PZP: variants seen among roughly 807,000 people sequenced by gnomAD.
The protein encoded by PZP is PZP alpha-2-macroglobulin like.
A neutral mutation model predicts 179.8 loss-of-function variants in PZP; 150 were observed. That is an observed-to-expected ratio of 0.83 (90% CI 0.73 to 0.96). The LOEUF is 0.96. PZP is among the 40% of genes least tolerant of loss of function. The probability of loss-of-function intolerance (pLI) is 0.00; values close to 1 mark genes in which losing one functional copy is unlikely to be tolerated. For synonymous variants in PZP, 624 were observed against 652.3 expected (o/e 0.96, Z 0.66); for missense variants, 1,689 against 1,764.0 (o/e 0.96, Z 0.76).
chr12:9,194,182 A>G lies in PZP; in HGVS notation c.1149T>C (p.Ser383=). ...VPIPNKLFFI[S]VNDANYYSNA... ...TGGAGTAATAATTGGCGTCATTCACAGAGATGAAGAAGAGTTTATTGGGGA... is the reference window on the plus strand; with the variant it reads ...TGGAGTAATAATTGGCGTCATTCACGGAGATGAAGAAGAGTTTATTGGGGA... Residue 383 remains serine, a synonymous_variant, in exon 11 of 36, where the codon TCT becomes TCC. Transcript: ENST00000261336. 1 of 1,614,046 alleles carries G rather than the reference A, an allele frequency of 6.2e-7. No individual in the cohort carries two copies. The highest frequency in any genetic ancestry group is 1.3e-5 in the African/African-American group (1 of 75,044).
chr12:9,203,711 A>C, intron 2 of PZP, 57 bp downstream of exon 2: 8 of 1,564,020 alleles, frequency 5.1e-6, no homozygotes, highest in African/African-American at 1.4e-5. Context: ...ACCATGACCT[A>C]TAGAGCTCAA....
rs1347712158 is a variant in PZP, at chr12:9,154,846, G to C, written c.3551-7C>G. 9 of 1,609,916 alleles carry C rather than the reference G, an allele frequency of 5.6e-6. No homozygotes were observed. Among genetic ancestry groups the C allele is most frequent in the Non-Finnish European group, 6.8e-6 (8 of 1,177,384 alleles). ...TCCCAATGGACGAGGTTGTCTTAAG[G>C]GTGAGAAAAAGGAGATAATTGTAAC... On this transcript the variant is annotated splice_region_variant and splice_polypyrimidine_tract_variant and intron_variant, in intron 28 of 35. Transcript: ENST00000261336.
the PZP span, among the ~76,000 whole-genome samples, chr12:9,143,729 G>A: frequency 6.6e-6 from 1 of 152,108 alleles, no homozygotes; most frequent in East Asian, 1.9e-4. Context: ...ATTTGCACTG[G>A]GGCCCGGCCA....
chr12:9,195,756 A>G lies in PZP; in HGVS notation c.1092+574T>C, dbSNP rs184293580. ...AGCATGAGCCACTATGCCTGGCCAA[A>G]TGTCTCAATTTACTAATTATAAAAC... On this transcript the variant is annotated intron_variant, in intron 10 of 35. Coordinates refer to ENST00000261336, the MANE Select transcript of PZP (RefSeq NM_002864.3). Among the ~76,000 whole-genome samples the G allele has an allele frequency of 3.2e-3, 478 of 151,562 alleles. 3 individuals carry two copies. Among genetic ancestry groups the G allele is most frequent in the African/African-American group, 0.011 (459 of 41,358 alleles).
chr12:9,181,137 G>A lies in PZP; in HGVS notation c.1690-5C>T. On this transcript the variant is annotated splice_region_variant and splice_polypyrimidine_tract_variant and intron_variant, in intron 14 of 35. Transcript: ENST00000261336. ...TGGGCTGAAGCTCAAATCCACCTGT[G>A]GGAAATGAAGGAAACGTCAACCAGT... 6.2e-7 allele frequency: 1 copy of A among 1,613,906 alleles called. No homozygotes were observed. The highest frequency in any genetic ancestry group is 1.1e-5 in the South Asian group (1 of 91,048).
At chr12:9,168,816 C>T in intron 17 of PZP, 53 bp downstream of exon 17, 4 of 1,342,746 alleles carry the variant, frequency 3.0e-6, no homozygotes, top group Admixed American at 1.7e-5. Context: ...GCATTTTGGG[C>T]ATAGTAATAT....
chr12:9,185,153 G>A (rs1441481832), intron 13 of PZP, among the ~76,000 whole-genome samples: 1 of 152,156 alleles, frequency 6.6e-6, no homozygotes, highest in Non-Finnish European at 1.5e-5. Flanking sequence ...GGAGAATGTT[G>A]AAACCTAATC....
At chr12:9,178,419 A>G (rs955638478) in intron 15 of PZP, among the ~76,000 whole-genome samples, 1 of 152,162 alleles carries the variant, frequency 6.6e-6, no homozygotes, top group Non-Finnish European at 1.5e-5. Context: ...ATTTTACTTC[A>G]TCATGGCCCC....
rs201579284 is a variant in PZP, at chr12:9,168,973, C to A, written c.2003G>T (p.Gly668Val). The change falls in exon 17 of 36, where the codon GGG (glycine) becomes GTG (valine). Residue 668 changes from glycine (G) to valine (V), a missense_variant and splice_region_variant. Gly to Val is a moderately radical substitution (Grantham distance 109). Coordinates refer to ENST00000261336, the MANE Select transcript of PZP (RefSeq NM_002864.3). ...NEADIYSFLK[G>V]MGLKVFTNSK... ...GTTAGTGAACACCTTCAATCCCATC[C>A]CCTGGAAAAAAATAATTGTTCAATC... 1.2e-6 allele frequency: 2 copies of A among 1,609,296 alleles called. No homozygotes were observed. The highest frequency in any genetic ancestry group is 3.3e-5 in the Admixed American group (2 of 59,924).
intron 15 of PZP, among the ~76,000 whole-genome samples, chr12:9,180,419 C>G (rs1329672985): frequency 6.6e-6 from 1 of 152,146 alleles, no homozygotes; most frequent in East Asian, 1.9e-4. Context: ...GCTACAGTAA[C>G]CAAAAGAGCA....
chr12:9,138,658 T>A, the PZP span, among the ~76,000 whole-genome samples: 1 of 152,096 alleles, frequency 6.6e-6, no homozygotes, highest in Admixed American at 6.5e-5. Context: ...GGATTTTTGT[T>A]ATTCATTAAA....
rs750156553 is a variant in PZP at position 9,196,434 on chromosome 12, C to T, written c.988G>A (p.Glu330Lys). ...ARIREEGTDL[E>K]VTANRISEIT... ...TCACTGATCCTGTTTGCAGTGACTT[C>T]CAGGTCTGAAAAATATAAAGAGTCA... The change falls in exon 10 of 36, where the codon GAA becomes AAA. Residue 330 changes from glutamate (E) to lysine (K), a missense_variant. Glu to Lys is a moderately conservative substitution (Grantham distance 56). Transcript: ENST00000261336. 2 of 1,610,170 alleles carry T rather than the reference C, an allele frequency of 1.2e-6. No homozygotes were observed. Among genetic ancestry groups the T allele is most frequent in the South Asian group, 2.2e-5 (2 of 90,888 alleles).
At chr12:9,159,251 G>A (rs1462271282) in intron 25 of PZP, among the ~76,000 whole-genome samples, 1 of 151,696 alleles carries the variant, frequency 6.6e-6, no homozygotes, top group East Asian at 1.9e-4. Flanking sequence ...TGGGTATATT[G>A]GATTAAAAAA....
At chr12:9,189,165 A>G (rs1254090797) in intron 13 of PZP, among the ~76,000 whole-genome samples, 1 of 152,242 alleles carries the variant, frequency 6.6e-6, no homozygotes, top group Non-Finnish European at 1.5e-5. Context: ...TGTATATGGA[A>G]CTAAAAAAAG....
At chr12:9,140,648 T>G in the PZP span, among the ~76,000 whole-genome samples, 2 of 152,244 alleles carry the variant, frequency 1.3e-5, no homozygotes, top group Admixed American at 1.3e-4. Context: ...ATAAGGCCTT[T>G]TAAAGCTGAG....
At position 9,170,042 on chromosome 12, in the gene PZP, C is replaced by T. The variant is rs1941879225; in HGVS notation, c.1840-451G>A. The T allele has an allele frequency of 6.6e-6, 1 of 152,558 alleles. No individual in the cohort carries two copies. Among genetic ancestry groups the T allele is most frequent in the South Asian group, 2.1e-4 (1 of 4,830 alleles). The allele number at this position is 152,558 out of a possible 1,614,324, so 9.5% of individuals were successfully genotyped here. A position where few individuals can be genotyped will look rare whatever the true frequency, so the allele number is the denominator to read the frequency against. ...CATTAGAAGCAGCTGCGGTCTGCAG[C>T]ACTTACGGAGTGGAATGAAAAAGCT... On this transcript the variant is annotated intron_variant, in intron 15 of 35. Coordinates refer to ENST00000261336, the MANE Select transcript of PZP (RefSeq NM_002864.3). The surrounding 1 kb of genome is among the most constrained non-coding windows in gnomAD (Gnocchi z 4.6).
chr12:9,198,267 A>T (rs969958796), intron 7 of PZP, among the ~76,000 whole-genome samples: 15 of 151,928 alleles, frequency 9.9e-5, no homozygotes, highest in African/African-American at 3.4e-4. Context: ...CAGGAGATTC[A>T]CATAAGCCCA....
the PZP span, among the ~76,000 whole-genome samples, chr12:9,142,304 T>C: frequency 6.6e-6 from 1 of 152,196 alleles, no homozygotes; most frequent in African/African-American, 2.4e-5. Context: ...ATATTAATGT[T>C]TCATTTATTA....
chr12:9,157,046 C>T (rs1940808206), intron 28 of PZP, 129 bp downstream of exon 28: 2 of 785,998 alleles, frequency 2.5e-6, no homozygotes, highest in South Asian at 4.7e-5. Context: ...TATTAGGTCC[C>T]CCATGCATTA....
Sources: gnomAD v4.1 joint callset for allele counts (sites outside exome capture counted in the v4.1 genomes callset) on GRCh38, gnomAD v4.1.1 for gene constraint, Gnocchi (gnomAD v3.1) non-coding constraint, MANE v1.5 for transcripts, NCBI Gene and HGNC (gene_info 2026-07-23, HGNC 2026-07-21) for gene names.